PAH: variants seen among roughly 807,000 people sequenced by gnomAD.
PAH encodes the protein phenylalanine-4-hydroxylase.
In PAH, 64 loss-of-function variants were observed where a neutral mutation model predicts 62.0. The observed-to-expected ratio is 1.03, with a 90% CI of 0.84 to 1.27. The LOEUF is 1.27. Among genes scored for constraint, PAH ranks in the 50% most tolerant of loss-of-function variants. PAH has a pLI of 0.00. For missense variants in PAH, 579 were observed against 542.8 expected (o/e 1.07, Z -0.66); for synonymous variants, 195 against 196.2 (o/e 0.99, Z 0.05).
At position 102,843,681 on chromosome 12, in the gene PAH, C is replaced by G; in HGVS notation, c.1164G>C (p.Val388=). The G allele has an allele frequency of 6.2e-7, 1 of 1,613,712 alleles. No individual in the cohort carries two copies. The change falls in exon 11 of 13, where the codon GTG becomes GTC. Residue 388 remains valine (V), a synonymous_variant. Transcript: ENST00000553106. ...TVTEFQPLYY[V]AESFNDAKEK... is the part of the protein sequence containing the mutation. ...CCTTGGCATCATTAAAACTCTCTGCCACGTAATAGAGGGGCTGGAACTCCG... is the reference window on the plus strand; with the variant it reads ...CCTTGGCATCATTAAAACTCTCTGCGACGTAATAGAGGGGCTGGAACTCCG...
chr12:102,838,091 T>C lies in PAH; in HGVS notation c.*1084A>G, dbSNP rs529544990. On this transcript the variant is annotated 3_prime_UTR_variant, in exon 13 of 13. Transcript: ENST00000553106. ...ATAGCTACAAAGATATTGTTTTTTT[T>C]CTCCCCACTGCTTCTCAGATATTCA... 77 of 152,300 alleles carry C rather than the reference T, an allele frequency of 5.1e-4. No individual in the cohort carries two copies. Among genetic ancestry groups the C allele is most frequent in the African/African-American group, 1.8e-3 (74 of 41,560 alleles). 9.4% of individuals were successfully genotyped at this position (152,300 alleles called of 1,614,324 possible). A position where few individuals can be genotyped will look rare whatever the true frequency, so the allele number is the denominator to read the frequency against.
At chr12:102,931,960 T>A (rs950350503) in intron 1 of PAH, among the ~76,000 whole-genome samples, 2 of 152,190 alleles carry the variant, frequency 1.3e-5, no homozygotes, top group Non-Finnish European at 2.9e-5. Context: ...CCTGCCATCC[T>A]GGGGCTTACA....
chr12:102,846,407 G>A lies in PAH; in HGVS notation c.969+488C>T, dbSNP rs1349339997. On this transcript the variant is annotated intron_variant, in intron 9 of 12. Transcript: ENST00000553106. ...AAGGAAGGAAATCACCTGCTATGTA[G>A]AATTGCTTCTATAGCCCCAGTGGAC... Among the ~76,000 whole-genome samples the A allele has an allele frequency of 3.9e-5, 6 of 152,320 alleles. No homozygotes were observed. In the East Asian group the frequency reaches 1.2e-3, roughly 29 times the overall value.
At chr12:102,882,910 G>T (rs1876882001) in intron 3 of PAH, among the ~76,000 whole-genome samples, 1 of 151,920 alleles carries the variant, frequency 6.6e-6, no homozygotes, top group South Asian at 2.1e-4. Context: ...CCCATAATAT[G>T]TGTTTTATCA....
At chr12:102,882,657 T>TATAC (rs1876864843) in intron 3 of PAH, among the ~76,000 whole-genome samples, 1 of 63,096 alleles carries the variant, frequency 1.6e-5, no homozygotes, top group Admixed American at 2.0e-4. Flanking sequence ...TATATATATA[T>TATAC]ATATATATAT....
At chr12:102,958,275 G>C (rs983926613) in exon 1 of PAH, 6 of 1,474,670 alleles carry the variant, frequency 4.1e-6, no homozygotes, top group Non-Finnish European at 5.4e-6. Flanking sequence ...GGAGAGCGGC[G>C]GCGCCGGCCA....
intron 1 of PAH, among the ~76,000 whole-genome samples, chr12:102,937,904 T>C (rs559269511): frequency 1.3e-5 from 2 of 152,334 alleles, no homozygotes; most frequent in Non-Finnish European, 1.5e-5. Flanking sequence ...AAAGTCTTTA[T>C]TTCTCCTTCA....
At chr12:102,946,076 G>C (rs1306623730) in intron 1 of PAH, 1 of 152,218 alleles carries the variant, frequency 6.6e-6, no homozygotes, top group African/African-American at 2.4e-5. Context: ...CTGGAATAGG[G>C]ACCTCAGGAC....
intron 3 of PAH, among the ~76,000 whole-genome samples, chr12:102,886,719 C>A (rs1877057838): frequency 6.6e-6 from 1 of 152,116 alleles, no homozygotes; most frequent in African/African-American, 2.4e-5. Context: ...CCTTGGTGCA[C>A]CTCCTAAGAC....
chr12:102,870,828 C>G (rs1220527434), intron 4 of PAH, among the ~76,000 whole-genome samples: 1 of 152,200 alleles, frequency 6.6e-6, no homozygotes. Flanking sequence ...AAACAGTAGA[C>G]TAGGGGAGCA....
intron 12 of PAH, 72 bp downstream of exon 12, chr12:102,840,328 T>C (rs1874528891): frequency 1.1e-6 from 1 of 920,790 alleles, no homozygotes; most frequent in South Asian, 1.3e-5. Flanking sequence ...ATTTTTCCTA[T>C]GGCGATGGTA....
chr12:102,878,197 G>A (rs77310121), intron 3 of PAH, among the ~76,000 whole-genome samples: 241 of 152,288 alleles, frequency 1.6e-3, no homozygotes, highest in African/African-American at 5.5e-3. Context: ...CTGTAAATGA[G>A]CTCATGAGAA....
chr12:102,930,370 C>CT (rs199566459), intron 1 of PAH, among the ~76,000 whole-genome samples: 42,169 of 148,208 alleles, frequency 0.28, 7,677 homozygotes, highest in African/African-American at 0.52. Context: ...ATATTTTCAT[C>CT]TTTTTTTTTT....
In PAH at chr12:102,883,388, G is replaced by C. The variant is rs116712836; in HGVS notation, c.353-5838C>G. Among the ~76,000 whole-genome samples, 379 of 152,274 alleles carry C rather than the reference G, an allele frequency of 2.5e-3. 2 individuals carry two copies. Among genetic ancestry groups the C allele is most frequent in the African/African-American group, 8.4e-3 (351 of 41,564 alleles). On this transcript the variant is annotated intron_variant, in intron 3 of 12. Coordinates refer to ENST00000553106, the MANE Select transcript of PAH (RefSeq NM_000277.3). ...CTGTGCAGGCTGGCTGGCGCTCAGCGAACGCCAGAGGGCAGCAGAACCAGC... is the reference window on the plus strand; with the variant it reads ...CTGTGCAGGCTGGCTGGCGCTCAGCCAACGCCAGAGGGCAGCAGAACCAGC...
rs1305788928 is a variant in PAH at position 102,838,098 on chromosome 12, A to G, written c.*1077T>C. On this transcript the variant is annotated 3_prime_UTR_variant, in exon 13 of 13. Coordinates refer to ENST00000553106, the MANE Select transcript of PAH (RefSeq NM_000277.3). Reference sequence around the variant, plus strand: ...CAAAGATATTGTTTTTTTTCTCCCCACTGCTTCTCAGATATTCATGTTTTC... The same window carrying G: ...CAAAGATATTGTTTTTTTTCTCCCCGCTGCTTCTCAGATATTCATGTTTTC... 6.6e-6 allele frequency: 1 copy of G among 152,162 alleles called. No individual in the cohort carries two copies. The highest frequency in any genetic ancestry group is 2.4e-5 in the African/African-American group (1 of 41,436). The allele number at this position is 152,162 out of a possible 1,614,324, so 9.4% of individuals were successfully genotyped here. A position where few individuals can be genotyped will look rare whatever the true frequency, so the allele number is the denominator to read the frequency against.
At chr12:102,911,105 C>G (rs1878185933) in intron 2 of PAH, among the ~76,000 whole-genome samples, 1 of 152,042 alleles carries the variant, frequency 6.6e-6, no homozygotes, top group Non-Finnish European at 1.5e-5. Context: ...TGGATTTCCC[C>G]ATCCTTGGTA....
intron 4 of PAH, among the ~76,000 whole-genome samples, chr12:102,876,062 G>A (rs904235364): frequency 7.3e-5 from 11 of 151,718 alleles, no homozygotes; most frequent in Non-Finnish European, 1.5e-4. Flanking sequence ...CTGTTTGGAA[G>A]TCTGGGAGAT....
intron 1 of PAH, among the ~76,000 whole-genome samples, chr12:102,948,432 T>C (rs1879592115): frequency 6.6e-6 from 1 of 152,102 alleles, no homozygotes; most frequent in African/African-American, 2.4e-5. Flanking sequence ...TGAAGAGGAA[T>C]GGAGGTTAAG....
chr12:102,863,256 C>T (rs1266467914), intron 5 of PAH, among the ~76,000 whole-genome samples: 2 of 152,176 alleles, frequency 1.3e-5, no homozygotes, highest in East Asian at 3.8e-4. Context: ...ACCATTATGA[C>T]TGATTCTCAT....
Sources: allele counts gnomAD v4.1 joint callset (sites outside exome capture counted in the v4.1 genomes callset), GRCh38; gene constraint gnomAD v4.1.1; transcripts MANE v1.5; gene names NCBI Gene and HGNC (gene_info 2026-07-23, HGNC 2026-07-21).